Variants in AP3B1 observed in about 807,000 individuals in gnomAD.
The protein encoded by AP3B1 is AP-3 complex subunit beta-1.
In AP3B1, 61 loss-of-function variants were observed where a neutral mutation model predicts 132.5. That is an observed-to-expected ratio of 0.46 (90% CI 0.37 to 0.57). The LOEUF (loss-of-function observed/expected upper bound fraction) is 0.57, where lower values mean the gene tolerates loss of function less well. Ranked by LOEUF, AP3B1 falls within the 20% of genes least tolerant of loss-of-function variation. AP3B1 has a pLI of 0.00. For missense variants in AP3B1, 1,120 were observed against 1,289.4 expected (o/e 0.87, Z 2.01); for synonymous variants, 388 against 438.3 (o/e 0.89, Z 1.43).
chr5:78,041,625 T>C (rs1470941840), intron 22 of AP3B1, among the ~76,000 whole-genome samples: 2 of 151,748 alleles, frequency 1.3e-5, no homozygotes, highest in African/African-American at 2.4e-5. Context: ...TTGTAAAATA[T>C]AATAAACAAT....
intron 10 of AP3B1, 43 bp from the exon 11 acceptor site, chr5:78,175,740 T>A (rs1176290917): frequency 1.2e-6 from 2 of 1,606,482 alleles, no homozygotes; most frequent in East Asian, 4.5e-5. Flanking sequence ...ATGGTACTAA[T>A]GTGTTCATGT....
chr5:78,047,163 C>T (rs1280054259), intron 22 of AP3B1, among the ~76,000 whole-genome samples: 3 of 152,248 alleles, frequency 2.0e-5, no homozygotes, highest in Non-Finnish European at 2.9e-5. Context: ...AATAAACATA[C>T]GTGCACATAT....
chr5:78,067,243 A>C (rs1333267365), intron 22 of AP3B1, among the ~76,000 whole-genome samples: 9 of 152,228 alleles, frequency 5.9e-5, no homozygotes, highest in Non-Finnish European at 1.2e-4. Flanking sequence ...ACACGTACCT[A>C]ATATAGGAGC....
At chr5:78,286,816 T>C (rs1344181241) in intron 1 of AP3B1, among the ~76,000 whole-genome samples, 2 of 152,230 alleles carry the variant, frequency 1.3e-5, no homozygotes, top group East Asian at 1.9e-4. Flanking sequence ...TTCACTTTTG[T>C]AGATCTATTA....
intron 22 of AP3B1, among the ~76,000 whole-genome samples, chr5:78,059,875 C>T (rs1044461366): frequency 6.6e-6 from 1 of 152,024 alleles, no homozygotes; most frequent in Non-Finnish European, 1.5e-5. Context: ...TGGTAAAATA[C>T]ACATAAAGAA....
chr5:78,280,573 T>C (rs1249680528), intron 1 of AP3B1, among the ~76,000 whole-genome samples: 3 of 152,136 alleles, frequency 2.0e-5, no homozygotes, highest in Non-Finnish European at 2.9e-5. Flanking sequence ...TAGTATTAGA[T>C]TTTTCTCCAA....
chr5:78,101,997 T>C (rs1441350664), intron 20 of AP3B1, among the ~76,000 whole-genome samples: 1 of 152,108 alleles, frequency 6.6e-6, no homozygotes, highest in Non-Finnish European at 1.5e-5. Context: ...TCAATAGGTA[T>C]GTATAGAATT....
In AP3B1 at chr5:78,200,236, G is replaced by C. The variant is rs549024325; in HGVS notation, c.786+15819C>G. ...TGCAATCTGTGACTGCCAAGCAGGG[G>C]GAGGGGGGACAAGGGGAATGGGTGT... On this transcript the variant is annotated intron_variant, in intron 7 of 26. Transcript: ENST00000255194. 9.5e-4 allele frequency among the ~76,000 whole-genome samples: 145 copies of C among 152,112 alleles called. No homozygotes were observed. In the Middle Eastern group the frequency reaches 0.017, roughly 18 times the overall value.
At chr5:78,010,338 C>T (rs1469823736) in intron 26 of AP3B1, among the ~76,000 whole-genome samples, 5 of 152,200 alleles carry the variant, frequency 3.3e-5, no homozygotes, top group Admixed American at 3.3e-4. Flanking sequence ...ATTTGCCTTC[C>T]AACCACTTGG....
At chr5:78,212,924 C>T (rs939335722) in intron 7 of AP3B1, among the ~76,000 whole-genome samples, 2 of 152,112 alleles carry the variant, frequency 1.3e-5, no homozygotes, top group African/African-American at 2.4e-5. Context: ...GACACCCAGG[C>T]TGGAGTGCAG....
chr5:78,273,034 T>C (rs1289568845), intron 1 of AP3B1, among the ~76,000 whole-genome samples: 32 of 152,174 alleles, frequency 2.1e-4, no homozygotes, highest in Admixed American at 2.0e-3. Flanking sequence ...CACATATATG[T>C]ATGCATATAC....
At position 78,125,792 on chromosome 5, in the gene AP3B1, T is replaced by C. The variant is rs78092709; in HGVS notation, c.1968+2238A>G. On this transcript the variant is annotated intron_variant, in intron 17 of 26. Coordinates refer to ENST00000255194, the MANE Select transcript of AP3B1 (RefSeq NM_003664.5). ...AAAATGAAAAAGAAATTAATTTGTC[T>C]CTGTTGAATTGGACAGGTGAAACGA... is the stretch of plus-strand genomic sequence containing the variant. 6.6e-3 allele frequency among the ~76,000 whole-genome samples: 1,010 copies of C among 152,282 alleles called. 9 individuals carry two copies. Among genetic ancestry groups the C allele is most frequent in the African/African-American group, 0.023 (967 of 41,570 alleles).
intron 1 of AP3B1, among the ~76,000 whole-genome samples, chr5:78,289,554 GGCTGCT>G (rs1352938400): frequency 1.3e-5 from 2 of 152,140 alleles, no homozygotes; most frequent in African/African-American, 4.8e-5. Flanking sequence ...CTAAGTTACT[GGCTGCT>G]AAAGTCACCT....
chr5:78,005,137 C>A (rs1580228385), intron 26 of AP3B1, among the ~76,000 whole-genome samples: 1 of 152,168 alleles, frequency 6.6e-6, no homozygotes, highest in African/African-American at 2.4e-5. Context: ...CAACTTTTCC[C>A]ACAGATTCGG....
At chr5:78,051,626 C>T (rs1748588506) in intron 22 of AP3B1, among the ~76,000 whole-genome samples, 1 of 152,100 alleles carries the variant, frequency 6.6e-6, no homozygotes, top group Non-Finnish European at 1.5e-5. Flanking sequence ...AACAATGTTT[C>T]CCAGCCTTTT....
At chr5:78,028,597 T>A (rs1413377577) in intron 24 of AP3B1, among the ~76,000 whole-genome samples, 1 of 152,210 alleles carries the variant, frequency 6.6e-6, no homozygotes, top group Non-Finnish European at 1.5e-5. Context: ...CTTTTCTGAC[T>A]TAAAAGAGAT....
rs753283084 is a variant in AP3B1, at chr5:78,002,761, A to G, written c.*141T>C. 3.8e-5 allele frequency: 37 copies of G among 981,412 alleles called. No homozygotes were observed. The highest frequency in any genetic ancestry group is 6.1e-5 in the Non-Finnish European group (37 of 609,816). The allele number at this position is 981,412 out of a possible 1,614,324, so 60.8% of individuals were successfully genotyped here. A position where few individuals can be genotyped will look rare whatever the true frequency, so the allele number is the denominator to read the frequency against. ...CATGATAGATACACACTAGCATTCT[A>G]AAGCAGGAGACAAGAATGTCAAGAG... On this transcript the variant is annotated 3_prime_UTR_variant, in exon 27 of 27. Transcript: ENST00000255194.
chr5:78,104,777 A>C (rs1220719158), intron 20 of AP3B1, among the ~76,000 whole-genome samples: 1 of 152,170 alleles, frequency 6.6e-6, no homozygotes, highest in African/African-American at 2.4e-5. Flanking sequence ...ACTGACATTC[A>C]GACACCAGTC....
At chr5:78,040,802 T>C (rs1273854156) in intron 22 of AP3B1, among the ~76,000 whole-genome samples, 2 of 152,210 alleles carry the variant, frequency 1.3e-5, no homozygotes, top group African/African-American at 4.8e-5. Context: ...ATTTTCACTA[T>C]GCCGTGTACA....
Sources: allele counts gnomAD v4.1 joint callset (sites outside exome capture counted in the v4.1 genomes callset), GRCh38; gene constraint gnomAD v4.1.1; transcripts MANE v1.5; gene names NCBI Gene and HGNC (gene_info 2026-07-23, HGNC 2026-07-21).